The following COL14A1 variants were observed in gnomAD, a reference collection of about 807,000 sequenced individuals.
COL14A1 encodes the protein collagen type XIV alpha 1 chain, also known as collagen alpha-1(XIV) chain.
COL14A1 carries 136 observed loss-of-function variants against 230.3 expected under a neutral mutation model. The ratio of observed to expected loss-of-function variants is 0.59; its 90% CI spans 0.51 to 0.68. The LOEUF (loss-of-function observed/expected upper bound fraction) is 0.68, where lower values mean the gene tolerates loss of function less well. Ranked by LOEUF, COL14A1 falls within the 30% of genes least tolerant of loss-of-function variation. COL14A1 has a pLI of 0.00. For synonymous variants in COL14A1, 792 were observed against 784.1 expected, an observed-to-expected ratio of 1.01 and a Z score of -0.17; for missense variants, 1,976 against 2,215.8, an observed-to-expected ratio of 0.89 and a Z score of 2.17.
chr8:120,181,557 C>T (rs1488682412), intron 5 of COL14A1, among the ~76,000 whole-genome samples: 1 of 152,066 alleles, frequency 6.6e-6, no homozygotes, highest in Non-Finnish European at 1.5e-5. Flanking sequence ...ACAATACATA[C>T]ATAAACAGCT....
chr8:120,150,732 G>A (rs1299783938), intron 2 of COL14A1, among the ~76,000 whole-genome samples: 1 of 152,112 alleles, frequency 6.6e-6, no homozygotes, highest in Non-Finnish European at 1.5e-5. Flanking sequence ...ACAAATATAT[G>A]GAGCTTAAGG....
intron 22 of COL14A1, among the ~76,000 whole-genome samples, 174 bp downstream of exon 22, chr8:120,250,940 T>C (rs1818927813): frequency 6.6e-6 from 1 of 152,196 alleles, no homozygotes; most frequent in African/African-American, 2.4e-5. Flanking sequence ...CTCGAGTAGC[T>C]GGGATTACAG....
intron 36 of COL14A1, among the ~76,000 whole-genome samples, chr8:120,308,832 TA>T (rs1479981435): frequency 2.6e-5 from 4 of 152,222 alleles, no homozygotes; most frequent in Non-Finnish European, 4.4e-5. Context: ...TCTGCTCAGG[TA>T]AAATATAAAT....
intron 5 of COL14A1, among the ~76,000 whole-genome samples, chr8:120,171,247 C>A (rs892515656): frequency 6.6e-6 from 1 of 152,112 alleles, no homozygotes; most frequent in African/African-American, 2.4e-5. Flanking sequence ...TCTTACACAT[C>A]ATTCTTGACA....
At chr8:120,209,983 T>C (rs1246827579) in intron 12 of COL14A1, 82 bp downstream of exon 12, 1 of 1,131,984 alleles carries the variant, frequency 8.8e-7, no homozygotes, top group Non-Finnish European at 1.1e-6. Flanking sequence ...AAATTTAATG[T>C]AGAAAATTTA....
chr8:120,172,492 A>G (rs1399994697), intron 5 of COL14A1, among the ~76,000 whole-genome samples: 1 of 152,024 alleles, frequency 6.6e-6, no homozygotes, highest in Non-Finnish European at 1.5e-5. Flanking sequence ...ACTTTCATTC[A>G]TGGGGCTGGT....
rs146811117 is a variant in COL14A1 at position 120,221,741 on chromosome 8, T to G, written c.1738-3347T>G. Among the ~76,000 whole-genome samples, 483 of 152,286 alleles carry G rather than the reference T, an allele frequency of 3.2e-3. 3 individuals are homozygous for G. The highest frequency in any genetic ancestry group is 0.011 in the African/African-American group (451 of 41,568). ...TCAAGGCCTAACTAGACATTCCAGT[T>G]AATAATTTTTTGGCTCAGGGCAAGT... On this transcript the variant is annotated intron_variant, in intron 14 of 47. Coordinates refer to ENST00000297848, the MANE Select transcript of COL14A1 (RefSeq NM_021110.4).
intron 1 of COL14A1, among the ~76,000 whole-genome samples, chr8:120,147,041 C>T (rs552372461): frequency 1.3e-5 from 2 of 151,810 alleles, no homozygotes; most frequent in East Asian, 3.9e-4. Context: ...CTCCTTCTTT[C>T]CTTTCCCTTT....
Position 120,278,241 on chromosome 8 carries a change from C to T in COL14A1, c.3337+7C>T, listed in dbSNP as rs1250156503. ...GGAGGAAATACAAAAACAGGTATGA[C>T]CAAAAGAAGCCCAGCTAAGGCTCAA... is the stretch of plus-strand genomic sequence containing the variant. On this transcript the variant is annotated splice_region_variant and intron_variant, in intron 27 of 47. Coordinates refer to ENST00000297848, the MANE Select transcript of COL14A1 (RefSeq NM_021110.4). 1 of 1,597,690 alleles carries T rather than the reference C, an allele frequency of 6.3e-7. No individual in the cohort carries two copies. Among genetic ancestry groups the T allele is most frequent in the Non-Finnish European group, 8.5e-7 (1 of 1,174,706 alleles).
intron 14 of COL14A1, among the ~76,000 whole-genome samples, chr8:120,223,910 T>A (rs1002801559): frequency 2.8e-4 from 42 of 151,848 alleles, no homozygotes; most frequent in Admixed American, 2.8e-3. Flanking sequence ...TGGTCTACAA[T>A]ATGCACCCTG....
chr8:120,178,199 T>C (rs1319731883), intron 5 of COL14A1, among the ~76,000 whole-genome samples: 1 of 152,076 alleles, frequency 6.6e-6, no homozygotes, highest in Non-Finnish European at 1.5e-5. Flanking sequence ...CTGCATTAGG[T>C]ATTTCTCCTA....
intron 5 of COL14A1, among the ~76,000 whole-genome samples, chr8:120,190,578 G>T (rs1311873427): frequency 2.0e-5 from 3 of 152,134 alleles, no homozygotes; most frequent in Non-Finnish European, 2.9e-5. Flanking sequence ...TGTCCTGAAT[G>T]GTAATGCCTA....
At chr8:120,153,500 A>T (rs532449564) in intron 2 of COL14A1, among the ~76,000 whole-genome samples, 1 of 152,318 alleles carries the variant, frequency 6.6e-6, no homozygotes, top group East Asian at 1.9e-4. Context: ...TCAAAAAAGA[A>T]TTTTTTTGTT....
chr8:120,209,956 T>G lies in COL14A1; in HGVS notation c.1467+55T>G. On this transcript the variant is annotated intron_variant, in intron 12 of 47. Transcript: ENST00000297848. ...GAATCTTTTATTTCCTTAAATAAAA[T>G]AAAATTTTTATTGTAAAAATTTAAT... The G allele has an allele frequency of 4.0e-6, 5 of 1,261,174 alleles. No individual in the cohort carries two copies. In the South Asian group the frequency reaches 1.1e-4, roughly 28 times the overall value. 78.1% of individuals were successfully genotyped at this position (1,261,174 alleles called of 1,614,324 possible). A position where few individuals can be genotyped will look rare whatever the true frequency, so the allele number is the denominator to read the frequency against.
At position 120,279,962 on chromosome 8, in the gene COL14A1, C is replaced by T; in HGVS notation, c.3509C>T (p.Ala1170Val). ...TATAGCATTTTTGCAATTGGTGTGGCCGATGCAGATTACTCGGAGTTGGTT... is the reference window on the plus strand; with the variant it reads ...TATAGCATTTTTGCAATTGGTGTGGTCGATGCAGATTACTCGGAGTTGGTT... ...DGYSIFAIGV[A>V]DADYSELVSI... Residue 1170 changes from alanine (A) to valine (V), a missense_variant, in exon 29 of 48, where the codon GCC (alanine) becomes GTC (valine). Physicochemically the swap from Ala to Val is moderately conservative, Grantham distance 64. Transcript: ENST00000297848. 1 of 1,613,638 alleles carries T rather than the reference C, an allele frequency of 6.2e-7. No individual in the cohort carries two copies. The highest frequency in any genetic ancestry group is 8.5e-7 in the Non-Finnish European group (1 of 1,179,794).
At chr8:120,279,850 T>G in intron 28 of COL14A1, 85 bp from the exon 29 acceptor site, 6 of 1,452,212 alleles carry the variant, frequency 4.1e-6, no homozygotes, top group Non-Finnish European at 5.6e-6. Flanking sequence ...AAACATATTT[T>G]AAACAGTTGG....
intron 2 of COL14A1, among the ~76,000 whole-genome samples, chr8:120,152,594 C>T (rs973824106): frequency 6.6e-6 from 1 of 151,710 alleles, no homozygotes; most frequent in Non-Finnish European, 1.5e-5. Context: ...AATGTTCCCT[C>T]TCCAGGACCT....
At chr8:120,244,342 C>G (rs1275639861) in intron 20 of COL14A1, among the ~76,000 whole-genome samples, 1 of 152,126 alleles carries the variant, frequency 6.6e-6, no homozygotes, top group African/African-American at 2.4e-5. Context: ...CAGGTGTGCT[C>G]TAGTCCAAGC....
intron 23 of COL14A1, among the ~76,000 whole-genome samples, chr8:120,257,993 C>T (rs1022721127): frequency 2.0e-5 from 3 of 152,162 alleles, no homozygotes; most frequent in Non-Finnish European, 2.9e-5. Context: ...GAAATTATTT[C>T]ATCTAAGTCT....
Sources: gnomAD v4.1 joint callset for allele counts (sites outside exome capture counted in the v4.1 genomes callset) on GRCh38, gnomAD v4.1.1 for gene constraint, MANE v1.5 for transcripts, NCBI Gene and HGNC (gene_info 2026-07-23, HGNC 2026-07-21) for gene names.